The following AHI1 variants were observed in gnomAD, a reference collection of about 807,000 sequenced individuals.
AHI1 encodes Abelson helper integration site 1.
In AHI1, 123 loss-of-function variants were observed where a neutral mutation model predicts 149.3. That is an observed-to-expected ratio of 0.82 (90% CI 0.71 to 0.96). AHI1 has a LOEUF of 0.96. AHI1 is among the 40% of genes least tolerant of loss of function. The pLI is 0.00. For synonymous variants in AHI1, 475 were observed against 459.8 expected, an observed-to-expected ratio of 1.03 and a Z score of -0.42; for missense variants, 1,439 against 1,422.7, an observed-to-expected ratio of 1.01 and a Z score of -0.18.
intron 7 of AHI1, among the ~76,000 whole-genome samples, chr6:135,463,861 C>T (rs536947216): frequency 1.6e-4 from 25 of 152,214 alleles, no homozygotes; most frequent in African/African-American, 5.3e-4. Flanking sequence ...CAGCAATCCT[C>T]CCACTTCTGC....
At chr6:135,475,154 T>G (rs561251006) in intron 5 of AHI1, among the ~76,000 whole-genome samples, 2 of 152,324 alleles carry the variant, frequency 1.3e-5, no homozygotes, top group South Asian at 4.1e-4. Flanking sequence ...CTTCATGTAA[T>G]TTACACATTT....
chr6:135,422,112 A>G (rs1318041459), intron 20 of AHI1, among the ~76,000 whole-genome samples: 1 of 152,226 alleles, frequency 6.6e-6, no homozygotes, highest in Non-Finnish European at 1.5e-5. Context: ...AGCTATCTCC[A>G]ATATAGAAAA....
chr6:135,342,788 T>C (rs1790570612), intron 24 of AHI1, among the ~76,000 whole-genome samples: 3 of 151,790 alleles, frequency 2.0e-5, no homozygotes, highest in Non-Finnish European at 4.4e-5. Context: ...CTATAAAGGC[T>C]ATATATAGGC....
chr6:135,405,594 T>A (rs1780647881), intron 21 of AHI1, among the ~76,000 whole-genome samples: 1 of 151,962 alleles, frequency 6.6e-6, no homozygotes, highest in African/African-American at 2.4e-5. Flanking sequence ...GTACGGTGGC[T>A]CACGCCTTGT....
chr6:135,490,597 C>G lies in AHI1; in HGVS notation c.135+26G>C. 1.2e-6 allele frequency: 2 copies of G among 1,613,076 alleles called. 1 individual carries two copies. Among genetic ancestry groups the G allele is most frequent in the South Asian group, 2.2e-5 (2 of 90,838 alleles). On this transcript the variant is annotated intron_variant, in intron 5 of 28. Transcript: ENST00000265602. ...GCATTTTATGCGCATATGTAAATCA[C>G]TATTACCCAATGATCATTTACTTAC...
intron 23 of AHI1, among the ~76,000 whole-genome samples, chr6:135,393,416 T>C (rs975299648): frequency 2.6e-5 from 4 of 152,108 alleles, no homozygotes; most frequent in Admixed American, 2.6e-4. Context: ...GAATGAAAAG[T>C]TTGTTCCCAG....
At chr6:135,340,654 C>CATATATATATATAT (rs1290327693) in intron 24 of AHI1, among the ~76,000 whole-genome samples, 4 of 58,590 alleles carry the variant, frequency 6.8e-5, no homozygotes, top group Non-Finnish European at 1.2e-4. Flanking sequence ...TATATACATA[C>CATATATATATATAT]ATACATATAT....
intron 24 of AHI1, among the ~76,000 whole-genome samples, chr6:135,330,068 ACTC>A (rs1788314285): frequency 6.6e-6 from 1 of 152,206 alleles, no homozygotes; most frequent in Non-Finnish European, 1.5e-5. Flanking sequence ...GATGGAATCT[ACTC>A]CTCGTGAAGA....
chr6:135,288,666 G>T (rs2128338382), intron 28 of AHI1, among the ~76,000 whole-genome samples: 1 of 151,808 alleles, frequency 6.6e-6, no homozygotes, highest in African/African-American at 2.4e-5. Flanking sequence ...ATAACCATAT[G>T]ATATTCTGTT....
chr6:135,466,524 T>G (rs992941667), intron 6 of AHI1, among the ~76,000 whole-genome samples, 151 bp from the exon 7 acceptor site: 2 of 152,248 alleles, frequency 1.3e-5, no homozygotes, highest in African/African-American at 4.8e-5. Context: ...TTAGAGCATA[T>G]GAGTACTCTC....
intron 15 of AHI1, among the ~76,000 whole-genome samples, chr6:135,433,763 TAA>T (rs1253719759): frequency 6.6e-6 from 1 of 151,968 alleles, no homozygotes. Context: ...CTCAAAGATT[TAA>T]GAGATACTAA....
At chr6:135,302,535 A>G in intron 26 of AHI1, 2 of 1,087,746 alleles carry the variant, frequency 1.8e-6, no homozygotes, top group Non-Finnish European at 2.2e-6. Flanking sequence ...TCTACTGTGT[A>G]TTCCTATCAC....
chr6:135,389,605 C>G, intron 23 of AHI1, among the ~76,000 whole-genome samples: 1 of 152,158 alleles, frequency 6.6e-6, no homozygotes, highest in South Asian at 2.1e-4. Flanking sequence ...TATCACCACA[C>G]TGTAAGTTTA....
At chr6:135,411,322 G>A (rs1380507627) in intron 21 of AHI1, 26 bp downstream of exon 21, 2 of 1,564,420 alleles carry the variant, frequency 1.3e-6, no homozygotes, top group South Asian at 2.3e-5. Context: ...TAGTTTTAAA[G>A]TTTCAACTGC....
chr6:135,441,522 CAA>C (rs1481420905), intron 14 of AHI1, among the ~76,000 whole-genome samples: 1 of 151,246 alleles, frequency 6.6e-6, no homozygotes, highest in Non-Finnish European at 1.5e-5. Context: ...AGTCAAAAAC[CAA>C]AGACAAAGAT....
intron 20 of AHI1, among the ~76,000 whole-genome samples, chr6:135,425,477 C>CAT (rs551289828): frequency 6.6e-6 from 1 of 151,856 alleles, no homozygotes; most frequent in Non-Finnish European, 1.5e-5. Context: ...TATAGTCAAG[C>CAT]ATATATTGGT....
chr6:135,298,818 G>A (rs1783488229), intron 27 of AHI1, among the ~76,000 whole-genome samples: 1 of 152,158 alleles, frequency 6.6e-6, no homozygotes, highest in African/African-American at 2.4e-5. Flanking sequence ...GGCATGACAT[G>A]GATCTCTGTA....
At position 135,412,372 on chromosome 6, in the gene AHI1, C is replaced by G. The variant is rs144996463; in HGVS notation, c.2765-828G>C. ...TTTGGTATCCCCAGGGGTTCTGGAA[C>G]CAGTCCTCTATAGATAACAAGAGAT... On this transcript the variant is annotated intron_variant, in intron 20 of 28. Transcript: ENST00000265602. Among the ~76,000 whole-genome samples the G allele has an allele frequency of 3.1e-3, 469 of 152,272 alleles. 7 individuals are homozygous for G. Among genetic ancestry groups the G allele is most frequent in the Admixed American group, 0.025 (387 of 15,294 alleles).
chr6:135,363,541 C>T (rs1247299931), intron 23 of AHI1, among the ~76,000 whole-genome samples: 1 of 152,180 alleles, frequency 6.6e-6, no homozygotes, highest in Non-Finnish European at 1.5e-5. Flanking sequence ...GTCATCATGG[C>T]CTGTTCTCAA....
Sources: gnomAD v4.1 joint callset for allele counts (sites outside exome capture counted in the v4.1 genomes callset) on GRCh38, gnomAD v4.1.1 for gene constraint, MANE v1.5 for transcripts, NCBI Gene and HGNC (gene_info 2026-07-23, HGNC 2026-07-21) for gene names.